PRKG2: variants seen among roughly 807,000 people sequenced by gnomAD.
PRKG2 encodes the protein protein kinase cGMP-dependent 2, also known as cGMP-dependent protein kinase 2.
A neutral mutation model predicts 97.2 loss-of-function variants in PRKG2; 33 were observed. That is an observed-to-expected ratio of 0.34 (90% CI 0.26 to 0.45). The LOEUF is 0.45. Ranked by LOEUF, PRKG2 falls within the 20% of genes least tolerant of loss-of-function variation. The probability of loss-of-function intolerance (pLI) is 1.00; values close to 1 mark genes in which losing one functional copy is unlikely to be tolerated. For missense variants in PRKG2, 638 were observed against 900.0 expected, an observed-to-expected ratio of 0.71 and a Z score of 3.73; for synonymous variants, 330 against 321.8, an observed-to-expected ratio of 1.03 and a Z score of -0.27.
chr4:81,207,517 A>T (rs1753745865), intron 1 of PRKG2, among the ~76,000 whole-genome samples: 1 of 152,212 alleles, frequency 6.6e-6, no homozygotes, highest in South Asian at 2.1e-4. Flanking sequence ...TTTGACACAG[A>T]AAACAGTTTT....
intron 2 of PRKG2, among the ~76,000 whole-genome samples, chr4:81,190,518 T>C (rs1361172903): frequency 6.6e-6 from 1 of 152,116 alleles, no homozygotes; most frequent in Non-Finnish European, 1.5e-5. Context: ...ATTCAGGACA[T>C]AGGCATGGGC....
chr4:81,159,192 A>C (rs1199338515), intron 6 of PRKG2, among the ~76,000 whole-genome samples: 1 of 152,180 alleles, frequency 6.6e-6, no homozygotes, highest in African/African-American at 2.4e-5. Context: ...AATGGGAGAA[A>C]ATTTTTGCAA....
chr4:81,172,518 G>C (rs958869667), intron 3 of PRKG2, among the ~76,000 whole-genome samples: 32 of 152,278 alleles, frequency 2.1e-4, no homozygotes, highest in Non-Finnish European at 3.7e-4. Context: ...ACTAAGAAGA[G>C]TGTTTGGCAC....
At chr4:81,182,031 A>G (rs1751457886) in intron 2 of PRKG2, among the ~76,000 whole-genome samples, 1 of 151,900 alleles carries the variant, frequency 6.6e-6, no homozygotes, top group African/African-American at 2.4e-5. Context: ...ATTAAGCCTT[A>G]TAGATATTTA....
chr4:81,183,321 G>C (rs181335901), intron 2 of PRKG2, among the ~76,000 whole-genome samples: 1 of 152,224 alleles, frequency 6.6e-6, no homozygotes, highest in Non-Finnish European at 1.5e-5. Context: ...TGGTTAGAGA[G>C]TGGGTGCAGC....
chr4:81,104,269 T>C, intron 17 of PRKG2, 101 bp downstream of exon 17: 1 of 710,798 alleles, frequency 1.4e-6, no homozygotes, highest in African/African-American at 1.9e-5. Flanking sequence ...AATTTGAAAG[T>C]CTGGAAAGGG....
intron 2 of PRKG2, among the ~76,000 whole-genome samples, chr4:81,186,881 T>C (rs144989524): frequency 1.1e-4 from 16 of 151,900 alleles, no homozygotes; most frequent in Non-Finnish European, 2.2e-4. Context: ...CTAGAAGAAA[T>C]GGATAAATAC....
At position 81,171,821 on chromosome 4, in the gene PRKG2, T is replaced by A. The variant is rs913275730; in HGVS notation, c.629-17A>T. ...GTCGACCCTCTATCAAGCAGAATTT[T>A]AAAAAACACACACACAAATAATCGA... On this transcript the variant is annotated splice_polypyrimidine_tract_variant and intron_variant, in intron 3 of 18. Coordinates refer to ENST00000264399, the MANE Select transcript of PRKG2 (RefSeq NM_006259.3). 1.6e-5 allele frequency: 24 copies of A among 1,530,236 alleles called. No homozygotes were observed. Among genetic ancestry groups the A allele is most frequent in the Non-Finnish European group, 2.1e-5 (24 of 1,120,844 alleles). The allele number at this position is 1,530,236 out of a possible 1,614,324, so 94.8% of individuals were successfully genotyped here.
intron 18 of PRKG2, 112 bp downstream of exon 18, chr4:81,092,272 TAA>T: frequency 1.8e-6 from 1 of 557,592 alleles, no homozygotes; most frequent in Non-Finnish European, 3.0e-6. Flanking sequence ...AAAACTGCTT[TAA>T]AAAAAAACAC....
At chr4:81,173,970 T>G (rs1295766227) in intron 3 of PRKG2, 1 of 152,064 alleles carries the variant, frequency 6.6e-6, no homozygotes, top group Admixed American at 6.6e-5. Context: ...ACTCAAAAAG[T>G]TGTGCCAGAA....
intron 14 of PRKG2, among the ~76,000 whole-genome samples, chr4:81,124,431 T>C (rs1207968845): frequency 2.0e-5 from 3 of 152,332 alleles, no homozygotes; most frequent in Non-Finnish European, 4.4e-5. Flanking sequence ...CCACAATGAA[T>C]TAGAGCAGGC....
At chr4:81,116,308 A>C (rs1481136561) in intron 14 of PRKG2, among the ~76,000 whole-genome samples, 1 of 152,136 alleles carries the variant, frequency 6.6e-6, no homozygotes, top group Admixed American at 6.5e-5. Context: ...TTCCTGTGTT[A>C]GTTCTCTTAG....
intron 14 of PRKG2, among the ~76,000 whole-genome samples, chr4:81,111,666 T>A (rs183269255): frequency 3.2e-4 from 49 of 152,012 alleles, no homozygotes; most frequent in Admixed American, 1.3e-3. Flanking sequence ...CCTTTCCTCT[T>A]CTCTGAGGCC....
At chr4:81,089,929 G>A in intron 18 of PRKG2, 126 bp from the exon 19 acceptor site, 1 of 712,750 alleles carries the variant, frequency 1.4e-6, no homozygotes, top group Non-Finnish European at 2.3e-6. Context: ...TTACATACAA[G>A]AAAAAAATGA....
chr4:81,094,412 T>TTG (rs1254320617), intron 17 of PRKG2, among the ~76,000 whole-genome samples: 1 of 151,658 alleles, frequency 6.6e-6, no homozygotes, highest in Non-Finnish European at 1.5e-5. Context: ...TAGAAGAAAT[T>TTG]TGTTTGTTTG....
chr4:81,139,706 C>T (rs775708922), intron 12 of PRKG2, among the ~76,000 whole-genome samples: 19 of 144,300 alleles, frequency 1.3e-4, no homozygotes, highest in East Asian at 8.7e-4. Flanking sequence ...ACCCCAGAGG[C>T]GGAGCTTGCA....
intron 7 of PRKG2, chr4:81,153,387 T>A: frequency 3.1e-6 from 1 of 323,252 alleles, no homozygotes; most frequent in Admixed American, 4.6e-5. Context: ...CCATCTCATA[T>A]ACAATTAAGC....
intron 17 of PRKG2, among the ~76,000 whole-genome samples, chr4:81,100,623 T>G (rs923145466): frequency 3.3e-5 from 5 of 151,966 alleles, no homozygotes; most frequent in Admixed American, 2.0e-4. Flanking sequence ...AGAAGAAAAA[T>G]TCTAGGCAAT....
chr4:81,217,638 G>T (rs1264167234), upstream of PRKG2, among the ~76,000 whole-genome samples: 2 of 152,162 alleles, frequency 1.3e-5, no homozygotes, highest in African/African-American at 4.8e-5. Flanking sequence ...AACTTAGAGT[G>T]TACAATCCAG....
Sources: allele counts gnomAD v4.1 joint callset (sites outside exome capture counted in the v4.1 genomes callset), GRCh38; gene constraint gnomAD v4.1.1; transcripts MANE v1.5; gene names NCBI Gene and HGNC (gene_info 2026-07-23, HGNC 2026-07-21).